Variants in DYNC2H1 observed in about 807,000 individuals in gnomAD.
DYNC2H1 encodes dynein cytoplasmic 2 heavy chain 1.
Under a neutral mutation model 570.0 loss-of-function variants are expected in DYNC2H1, and 410 were observed. The ratio of observed to expected loss-of-function variants is 0.72; its 90% CI spans 0.66 to 0.78. The LOEUF (loss-of-function observed/expected upper bound fraction) is 0.78, where lower values mean the gene tolerates loss of function less well. DYNC2H1 is among the 30% of genes least tolerant of loss of function. The probability of loss-of-function intolerance (pLI) is 0.00; values close to 1 mark genes in which losing one functional copy is unlikely to be tolerated. For synonymous variants in DYNC2H1, 1,688 were observed against 1,677.6 expected (o/e 1.01, Z -0.15); for missense variants, 4,865 against 5,046.4 (o/e 0.96, Z 1.09).
At chr11:103,285,671 C>T (rs545546181) in intron 73 of DYNC2H1, among the ~76,000 whole-genome samples, 7 of 151,846 alleles carry the variant, frequency 4.6e-5, no homozygotes, top group East Asian at 1.9e-4. Flanking sequence ...GTGATCTGCC[C>T]GCCTCAGCCT....
chr11:103,377,091 A>T (rs12363801), intron 83 of DYNC2H1, among the ~76,000 whole-genome samples: 8,054 of 152,230 alleles, frequency 0.053, 257 homozygotes, highest in Non-Finnish European at 0.077. Context: ...GAAATGTAGA[A>T]CTTTTGGGGT....
At chr11:103,351,343 T>C (rs977586391) in intron 82 of DYNC2H1, among the ~76,000 whole-genome samples, 1 of 152,224 alleles carries the variant, frequency 6.6e-6, no homozygotes, top group Non-Finnish European at 1.5e-5. Flanking sequence ...AAATTACATA[T>C]TGTTTTTGCC....
At chr11:103,190,108 C>G (rs1862234820) in intron 45 of DYNC2H1, among the ~76,000 whole-genome samples, 1 of 152,096 alleles carries the variant, frequency 6.6e-6, no homozygotes, top group South Asian at 2.1e-4. Context: ...ATCTTCTTTC[C>G]CAAAACAGAT....
chr11:103,214,547 A>T (rs2915255), intron 54 of DYNC2H1, among the ~76,000 whole-genome samples: 1 of 150,268 alleles, frequency 6.7e-6, no homozygotes, highest in East Asian at 2.0e-4. Flanking sequence ...TGGGTTCAAG[A>T]GATTCTTATG....
chr11:103,295,826 C>CT (rs1866798920), intron 75 of DYNC2H1, among the ~76,000 whole-genome samples: 1 of 152,180 alleles, frequency 6.6e-6, no homozygotes, highest in African/African-American at 2.4e-5. Context: ...AGCTCACTCC[C>CT]TTTTTGAAGG....
Position 103,143,293 on chromosome 11 carries a change from A to T in DYNC2H1, c.2600A>T (p.Asp867Val). 6.2e-7 allele frequency: 1 copy of T among 1,613,454 alleles called. No individual in the cohort carries two copies. The highest frequency in any genetic ancestry group is 8.5e-7 in the Non-Finnish European group (1 of 1,179,660). The change falls in exon 18 of 89, where the codon GAT becomes GTT. Residue 867 changes from aspartate to valine, a missense_variant. Transcript: ENST00000375735. ...HKEWIVIGQV[D>V]MEALVEKHLF... is the part of the protein sequence containing the mutation. Reference sequence around the variant, plus strand: ...GAATGGATTGTAATTGGGCAAGTTGATATGGAAGCTCTGGTGGAAAAGCAT... The same window carrying T: ...GAATGGATTGTAATTGGGCAAGTTGTTATGGAAGCTCTGGTGGAAAAGCAT...
In DYNC2H1 at chr11:103,399,551, A is replaced by G. The variant is rs1430659261; in HGVS notation, c.12157-112A>G. 5 of 740,134 alleles carry G rather than the reference A, an allele frequency of 6.8e-6. No individual in the cohort carries two copies. In the African/African-American group the frequency reaches 8.9e-5, roughly 13 times the overall value. 45.8% of individuals were successfully genotyped at this position (740,134 alleles called of 1,614,324 possible). On this transcript the variant is annotated intron_variant, in intron 83 of 88. Transcript: ENST00000375735. ...ACCGTTTATAAAATAAAAGCATTTC[A>G]AAATAGTTTTTAAAACAGAATAGAA...
In DYNC2H1 at chr11:103,472,374, G is replaced by T. The variant is rs1325089192; in HGVS notation, c.12765+3669G>T. ...ACCCCATCTTTATTAAATAAAAAAA[G>T]AATTAAAAAAATTTTTTTTAAAGAA... On this transcript the variant is annotated intron_variant, in intron 88 of 88. Transcript: ENST00000375735. The surrounding 1 kb of genome is among the most constrained non-coding windows in gnomAD (Gnocchi z 4.1). 1.6e-4 allele frequency among the ~76,000 whole-genome samples: 3 copies of T among 18,480 alleles called. No homozygotes were observed. The highest frequency in any genetic ancestry group is 4.9e-4 in the Non-Finnish European group (3 of 6,076). The allele number at this position is 18,480 out of a possible 152,430, so 12.1% of individuals were successfully genotyped here. A position where few individuals can be genotyped will look rare whatever the true frequency, so the allele number is the denominator to read the frequency against.
rs369614706 is a variant in DYNC2H1, at chr11:103,120,705, C to T, written c.1151C>T (p.Ala384Val). The change falls in exon 8 of 89, where the codon GCG (alanine) becomes GTG (valine). Residue 384 changes from alanine (A) to valine (V), a missense_variant. Transcript: ENST00000375735. ...NPYTEPLWKA[A>V]VSQYEKIIAP... ...TGTATGTAGCCCTTGTGGAAAGCTG[C>T]GGTGTCTCAATATGAAAAGATTATT... is the stretch of plus-strand genomic sequence containing the variant. 54 of 1,610,288 alleles carry T rather than the reference C, an allele frequency of 3.4e-5. 1 individual carries two copies. In the Middle Eastern group the frequency reaches 6.7e-4, roughly 20 times the overall value.
At chr11:103,354,302 T>A (rs530577046) in intron 82 of DYNC2H1, among the ~76,000 whole-genome samples, 21 of 152,148 alleles carry the variant, frequency 1.4e-4, no homozygotes, top group African/African-American at 5.1e-4. Flanking sequence ...TTCCCCTTTT[T>A]AAAAAAATTC....
chr11:103,140,753 C>T (rs367743085), intron 17 of DYNC2H1, among the ~76,000 whole-genome samples: 1 of 152,112 alleles, frequency 6.6e-6, no homozygotes, highest in African/African-American at 2.4e-5. Flanking sequence ...TGTTGGCCTG[C>T]CTTGCTAGAT....
At chr11:103,308,705 G>A (rs893391823) in intron 78 of DYNC2H1, among the ~76,000 whole-genome samples, 2 of 152,160 alleles carry the variant, frequency 1.3e-5, no homozygotes, top group African/African-American at 2.4e-5. Context: ...GTGAGGTGAT[G>A]TCTGTTTGTG....
rs1323621134 is a variant in DYNC2H1, at chr11:103,163,174, C to T, written c.4611+27C>T. 2 of 1,600,080 alleles carry T rather than the reference C, an allele frequency of 1.2e-6. No homozygotes were observed. Among genetic ancestry groups the T allele is most frequent in the Non-Finnish European group, 1.7e-6 (2 of 1,172,920 alleles). On this transcript the variant is annotated intron_variant, in intron 30 of 88. Coordinates refer to ENST00000375735, the MANE Select transcript of DYNC2H1 (RefSeq NM_001377.3). This position sits in a 1 kb window ranked among gnomAD's most constrained non-coding sequence, Gnocchi z 4.6. ...TAAGGGGGCTTACGTGTAGAAGCTA[C>T]ATAGGCATGGAACGTGGAAAGATCC...
chr11:103,189,618 TA>T lies in DYNC2H1; in HGVS notation c.7293-52del. 1 of 1,551,266 alleles carries T rather than the reference TA, an allele frequency of 6.4e-7. No homozygotes were observed. The highest frequency in any genetic ancestry group is 8.8e-7 in the Non-Finnish European group (1 of 1,132,492). On this transcript the variant is annotated intron_variant, in intron 44 of 88. Transcript: ENST00000375735. This position sits in a 1 kb window ranked among gnomAD's most constrained non-coding sequence, Gnocchi z 4.3. ...CTGTTGTAACTTAACATTGAAATAT[TA>T]ATTTGGAATACTGATTTATTTCAGC...
rs575937048 is a variant in DYNC2H1 at position 103,157,631 on chromosome 11, T to G, written c.4127+861T>G. Among the ~76,000 whole-genome samples, 9 of 152,244 alleles carry G rather than the reference T, an allele frequency of 5.9e-5. No homozygotes were observed. Among genetic ancestry groups the G allele is most frequent in the Non-Finnish European group, 1.0e-4 (7 of 68,030 alleles). On this transcript the variant is annotated intron_variant, in intron 26 of 88. Transcript: ENST00000375735. The surrounding 1 kb of genome is among the most constrained non-coding windows in gnomAD (Gnocchi z 4.2). ...GTACAGAAGTATATCTGTACTTCTA[T>G]TCTAATGTTCTGTATCTCTTACTTG...
chr11:103,173,930 A>G, intron 35 of DYNC2H1, 125 bp from the exon 36 acceptor site: 1 of 659,924 alleles, frequency 1.5e-6, no homozygotes, highest in Admixed American at 3.0e-5. Flanking sequence ...TCCCTTATAT[A>G]AATTAATGGG....
intron 31 of DYNC2H1, among the ~76,000 whole-genome samples, chr11:103,166,254 C>T (rs1023487990): frequency 6.6e-6 from 1 of 152,096 alleles, no homozygotes; most frequent in Non-Finnish European, 1.5e-5. Context: ...ACCATATAGG[C>T]TTCTTTATCC....
Position 103,153,473 on chromosome 11 carries a change from G to A in DYNC2H1, c.3267G>A (p.Glu1089=), listed in dbSNP as rs1458551453. ...AGTTAATAAAAGAGAAAAAAATTGA[G>A]TTTGATGATCTTGAAGTCACAAGAA... ...SAKLIKEKKI[E]FDDLEVTRKK... Residue 1089 remains glutamate (E), a synonymous_variant, in exon 22 of 89, where the codon GAG becomes GAA. Coordinates refer to ENST00000375735, the MANE Select transcript of DYNC2H1 (RefSeq NM_001377.3). The A allele has an allele frequency of 3.2e-6, 5 of 1,567,680 alleles. No homozygotes were observed. The highest frequency in any genetic ancestry group is 4.3e-6 in the Non-Finnish European group (5 of 1,158,346).
At chr11:103,248,836 A>G (rs2135241569) in intron 65 of DYNC2H1, among the ~76,000 whole-genome samples, 1 of 152,160 alleles carries the variant, frequency 6.6e-6, no homozygotes, top group East Asian at 1.9e-4. Flanking sequence ...AAATATATCC[A>G]TGTATCCAAG....
Sources: allele counts gnomAD v4.1 joint callset (sites outside exome capture counted in the v4.1 genomes callset), GRCh38; gene constraint gnomAD v4.1.1; non-coding constraint Gnocchi (gnomAD v3.1); transcripts MANE v1.5; gene names NCBI Gene and HGNC (gene_info 2026-07-23, HGNC 2026-07-21).